The following ULK4 variants were observed in gnomAD, a reference collection of about 807,000 sequenced individuals.
ULK4 encodes the protein unc-51 like kinase 4, also known as inactive serine/threonine-protein kinase ULK4.
Under a neutral mutation model 160.6 loss-of-function variants are expected in ULK4, and 133 were observed. The ratio of observed to expected loss-of-function variants is 0.83; its 90% CI spans 0.72 to 0.96. The LOEUF (loss-of-function observed/expected upper bound fraction) is 0.96, where lower values mean the gene tolerates loss of function less well. Ranked by LOEUF, ULK4 falls within the 40% of genes least tolerant of loss-of-function variation. The pLI, the probability that ULK4 is intolerant of heterozygous loss-of-function variation, is 0.00. For synonymous variants in ULK4, 534 were observed against 539.8 expected, an observed-to-expected ratio of 0.99 and a Z score of 0.15; for missense variants, 1,580 against 1,499.5, an observed-to-expected ratio of 1.05 and a Z score of -0.89.
At chr3:41,744,169 T>C (rs1424852064) in intron 22 of ULK4, among the ~76,000 whole-genome samples, 1 of 151,668 alleles carries the variant, frequency 6.6e-6, no homozygotes, top group Non-Finnish European at 1.5e-5. Flanking sequence ...AGAAACAAAA[T>C]AAGGAATAAA....
At chr3:41,307,794 C>T (rs1037339472) in intron 35 of ULK4, among the ~76,000 whole-genome samples, 1 of 152,150 alleles carries the variant, frequency 6.6e-6, no homozygotes, top group African/African-American at 2.4e-5. Flanking sequence ...TGTACCACTG[C>T]ACTCTAGCCT....
intron 35 of ULK4, among the ~76,000 whole-genome samples, chr3:41,285,326 G>A (rs1295172895): frequency 4.6e-5 from 7 of 152,142 alleles, no homozygotes; most frequent in East Asian, 1.9e-4. Context: ...CTGCAAAATC[G>A]TGAAACCAAC....
At chr3:41,743,937 G>A (rs1406778284) in intron 22 of ULK4, among the ~76,000 whole-genome samples, 2 of 151,734 alleles carry the variant, frequency 1.3e-5, no homozygotes, top group African/African-American at 4.9e-5. Context: ...GGAAAGTAGG[G>A]AAAATAAAAA....
intron 35 of ULK4, among the ~76,000 whole-genome samples, chr3:41,268,577 G>T (rs1232900094): frequency 6.6e-6 from 1 of 151,968 alleles, no homozygotes; most frequent in Non-Finnish European, 1.5e-5. Context: ...AGACCGAGGC[G>T]GGCAGATCAT....
intron 35 of ULK4, among the ~76,000 whole-genome samples, chr3:41,374,354 A>G (rs2081433594): frequency 6.6e-6 from 1 of 152,202 alleles, no homozygotes; most frequent in African/African-American, 2.4e-5. Context: ...TTTCAGGCCA[A>G]TATCCCTGAT....
chr3:41,581,183 A>T (rs879448475), intron 31 of ULK4, among the ~76,000 whole-genome samples: 15 of 152,184 alleles, frequency 9.9e-5, no homozygotes, highest in Non-Finnish European at 1.8e-4. Flanking sequence ...TCCCCCAAGG[A>T]ATCCTATATA....
intron 34 of ULK4, among the ~76,000 whole-genome samples, chr3:41,430,941 C>CA (rs2082889492): frequency 6.6e-6 from 1 of 152,184 alleles, no homozygotes; most frequent in Non-Finnish European, 1.5e-5. Flanking sequence ...AAATCAAACT[C>CA]AGAGAATTTA....
chr3:41,866,576 C>CTCACTG (rs1696894690), intron 17 of ULK4, among the ~76,000 whole-genome samples: 1 of 152,344 alleles, frequency 6.6e-6, no homozygotes, highest in South Asian at 2.1e-4. Context: ...GGCAGTAATG[C>CTCACTG]TCACTGGCCC....
chr3:41,749,258 G>A (rs1237509622), intron 22 of ULK4, among the ~76,000 whole-genome samples: 1 of 152,162 alleles, frequency 6.6e-6, no homozygotes, highest in East Asian at 1.9e-4. Flanking sequence ...CAAGGCAGGT[G>A]GATCACTTCA....
intron 19 of ULK4, among the ~76,000 whole-genome samples, chr3:41,809,818 A>C (rs1052947897): frequency 5.3e-5 from 8 of 152,184 alleles, no homozygotes; most frequent in African/African-American, 1.9e-4. Flanking sequence ...ATTTGCATGT[A>C]ATTTCTAAAA....
intron 31 of ULK4, among the ~76,000 whole-genome samples, chr3:41,598,690 C>T (rs999667398): frequency 3.3e-5 from 5 of 151,780 alleles, no homozygotes; most frequent in Admixed American, 3.3e-4. Context: ...CACACACACA[C>T]GAGTTCACAT....
chr3:41,511,903 CA>C (rs778371433), intron 32 of ULK4, among the ~76,000 whole-genome samples: 1 of 152,082 alleles, frequency 6.6e-6, no homozygotes, highest in Non-Finnish European at 1.5e-5. Flanking sequence ...ATAACCAATC[CA>C]ACAGTGTATC....
chr3:41,744,976 G>A (rs756890955), intron 22 of ULK4, among the ~76,000 whole-genome samples: 1 of 151,394 alleles, frequency 6.6e-6, no homozygotes, highest in Admixed American at 6.6e-5. Context: ...GGATCAATGA[G>A]GAAGTTTCAA....
chr3:41,895,639 C>A, intron 15 of ULK4, 75 bp from the exon 16 acceptor site: 1 of 889,980 alleles, frequency 1.1e-6, no homozygotes, highest in South Asian at 2.2e-5. Context: ...AAAATGACAG[C>A]AAAGTTAACA....
intron 36 of ULK4, among the ~76,000 whole-genome samples, chr3:41,247,723 A>G (rs2078670907): frequency 6.6e-6 from 1 of 152,304 alleles, no homozygotes; most frequent in Admixed American, 6.5e-5. Flanking sequence ...GACAGAAGGA[A>G]TGCGTTTGAA....
chr3:41,401,532 G>GA (rs1412279600), intron 34 of ULK4, among the ~76,000 whole-genome samples: 2 of 152,138 alleles, frequency 1.3e-5, no homozygotes, highest in Non-Finnish European at 2.9e-5. Context: ...ATGGTGGTTA[G>GA]AAATGTACAT....
intron 34 of ULK4, among the ~76,000 whole-genome samples, chr3:41,423,002 A>T (rs2082695394): frequency 6.6e-6 from 1 of 152,370 alleles, no homozygotes; most frequent in South Asian, 2.1e-4. Context: ...ATTAAAAAGA[A>T]TGAGATTGAC....
At chr3:41,753,406 C>T (rs1490507436) in intron 22 of ULK4, among the ~76,000 whole-genome samples, 1 of 152,144 alleles carries the variant, frequency 6.6e-6, no homozygotes, top group African/African-American at 2.4e-5. Context: ...ACAAGTAAAA[C>T]CCTGGATCTA....
chr3:41,826,539 A>G (rs1450468165), intron 18 of ULK4, among the ~76,000 whole-genome samples: 2 of 150,250 alleles, frequency 1.3e-5, no homozygotes, highest in African/African-American at 5.0e-5. Context: ...CTTTAAACCA[A>G]CAAAGATCAA....
Sources: allele counts gnomAD v4.1 joint callset (sites outside exome capture counted in the v4.1 genomes callset), GRCh38; gene constraint gnomAD v4.1.1; transcripts MANE v1.5; gene names NCBI Gene and HGNC (gene_info 2026-07-23, HGNC 2026-07-21).